Variants in SCD observed in about 807,000 individuals in gnomAD.
SCD encodes the protein stearoyl-CoA desaturase, also known as acyl-CoA desaturase.
A neutral mutation model predicts 35.7 loss-of-function variants in SCD; 4 were observed. The ratio of observed to expected loss-of-function variants is 0.11; its 90% CI spans 0.06 to 0.26. SCD has a LOEUF of 0.26. Among genes scored for constraint, SCD ranks in the 10% least tolerant of loss-of-function variants. The probability of loss-of-function intolerance (pLI) is 1.00; values close to 1 mark genes in which losing one functional copy is unlikely to be tolerated. For synonymous variants in SCD, 150 were observed against 170.2 expected, an observed-to-expected ratio of 0.88 and a Z score of 0.92; for missense variants, 282 against 460.7, an observed-to-expected ratio of 0.61 and a Z score of 3.55.
chr10:100,358,598 CAAAAA>C (rs547927999), intron 5 of SCD, among the ~76,000 whole-genome samples: 2 of 78,594 alleles, frequency 2.5e-5, no homozygotes, highest in South Asian at 4.9e-4. Flanking sequence ...GACTCCGTCT[CAAAAA>C]AAAAAAAAAA....
chr10:100,358,531 G>T lies in SCD; in HGVS notation c.880+1767G>T, dbSNP rs541780455. On this transcript the variant is annotated intron_variant, in intron 5 of 5. Coordinates refer to ENST00000370355, the MANE Select transcript of SCD (RefSeq NM_005063.5). ...GGCGTGAACCCGGGAAGCGGAGCTT[G>T]CAGTGAGCCGAGATTCCGCCACTGC... is the stretch of plus-strand genomic sequence containing the variant. 1.8e-4 allele frequency among the ~76,000 whole-genome samples: 27 copies of T among 148,116 alleles called. No homozygotes were observed. In the South Asian group the frequency reaches 5.7e-3, roughly 31 times the overall value.
intron 4 of SCD, among the ~76,000 whole-genome samples, chr10:100,354,946 G>T (rs908683837): frequency 6.6e-6 from 1 of 152,166 alleles, no homozygotes. Context: ...TTTTGTGTTT[G>T]TGTTTCAACA....
chr10:100,358,598 CAAAAAA>C (rs547927999), intron 5 of SCD, among the ~76,000 whole-genome samples: 9 of 78,596 alleles, frequency 1.1e-4, no homozygotes, highest in African/African-American at 4.9e-4. Context: ...GACTCCGTCT[CAAAAAA>C]AAAAAAAAAA....
chr10:100,357,149 A>G (rs1849936707), intron 5 of SCD, among the ~76,000 whole-genome samples: 1 of 152,204 alleles, frequency 6.6e-6, no homozygotes, highest in African/African-American at 2.4e-5. Context: ...CCCTGTTTCT[A>G]TTAAAAAGCA....
chr10:100,354,678 G>A, intron 4 of SCD, 46 bp downstream of exon 4: 2 of 1,454,382 alleles, frequency 1.4e-6, no homozygotes, highest in South Asian at 2.3e-5. Flanking sequence ...CTGGCACCTG[G>A]TCATTAGGGA....
rs1849992416 is a variant in SCD, at chr10:100,361,764, T to C, written c.*831T>C. On this transcript the variant is annotated 3_prime_UTR_variant, in exon 6 of 6. Transcript: ENST00000370355. ...GGTTTTCTTTTCTTTTTTTCTTTAA[T>C]AACAAGGAGATTTCTTAGTTCATAT... 6.6e-6 allele frequency: 1 copy of C among 152,256 alleles called. No homozygotes were observed. Among genetic ancestry groups the C allele is most frequent in the Non-Finnish European group, 1.5e-5 (1 of 68,048 alleles). 9.4% of individuals were successfully genotyped at this position (152,256 alleles called of 1,614,324 possible).
In SCD at chr10:100,364,145, T is replaced by G. The variant is rs1371349544; in HGVS notation, c.*3212T>G. On this transcript the variant is annotated 3_prime_UTR_variant, in exon 6 of 6. Transcript: ENST00000370355. ...TTTTTTTTTTTTTTGGGTTAAAAGA[T>G]GGTTGTAGCATTTAAAATGGAAAAT... is the stretch of plus-strand genomic sequence containing the variant. 11 of 150,472 alleles carry G rather than the reference T, an allele frequency of 7.3e-5. No homozygotes were observed. The Admixed American group carries it at 7.3e-4, about 10-fold the overall frequency. The allele number at this position is 150,472 out of a possible 1,614,324, so 9.3% of individuals were successfully genotyped here.
At position 100,348,183 on chromosome 10, in the gene SCD, T is replaced by A. The variant is rs751000793; in HGVS notation, c.147T>A (p.Asp49Glu). The change falls in exon 2 of 6, where the codon GAT (aspartate) becomes GAA (glutamate). Residue 49 changes from aspartate (D) to glutamate (E), a missense_variant. Physicochemically the swap from Asp to Glu is conservative, Grantham distance 45. This residue lies in a region of SCD where 77 missense variants were observed against 88.4 expected (regional missense o/e 0.87). Coordinates refer to ENST00000370355, the MANE Select transcript of SCD (RefSeq NM_005063.5). ...PLYLEDDIRP[D>E]IKDDIYDPTY... Reference sequence around the variant, plus strand: ...ACTTGGAAGACGACATTCGCCCTGATATAAAAGATGATATATATGACCCCA... The same window carrying A: ...ACTTGGAAGACGACATTCGCCCTGAAATAAAAGATGATATATATGACCCCA... The A allele has an allele frequency of 7.4e-6, 12 of 1,614,008 alleles. No homozygotes were observed. Among genetic ancestry groups the A allele is most frequent in the Non-Finnish European group, 1.0e-5 (12 of 1,179,986 alleles).
In SCD at chr10:100,356,850, GT is replaced by G. The variant is rs1467450864; in HGVS notation, c.880+92del. ...GGAGCCAGAAAAACTAGATAAATCTGTTTTTTATGGCTACTTTGTATCTCAG... is the reference window on the plus strand; with the variant it reads ...GGAGCCAGAAAAACTAGATAAATCTGTTTTTATGGCTACTTTGTATCTCAG... On this transcript the variant is annotated intron_variant, in intron 5 of 5. Coordinates refer to ENST00000370355, the MANE Select transcript of SCD (RefSeq NM_005063.5). This position sits in a 1 kb window ranked among gnomAD's most constrained non-coding sequence, Gnocchi z 4.1. 9.6e-7 allele frequency: 1 copy of G among 1,040,358 alleles called. No individual in the cohort carries two copies. Among genetic ancestry groups the G allele is most frequent in the Non-Finnish European group, 1.4e-6 (1 of 691,698 alleles). The allele number at this position is 1,040,358 out of a possible 1,614,324, so 64.4% of individuals were successfully genotyped here.
chr10:100,355,695 A>G lies in SCD; in HGVS notation c.648-837A>G, dbSNP rs190725813. 6.5e-4 allele frequency among the ~76,000 whole-genome samples: 99 copies of G among 152,308 alleles called. 1 individual carries two copies. Among genetic ancestry groups the G allele is most frequent in the African/African-American group, 2.2e-3 (92 of 41,564 alleles). ...GCGAAGCAGTGGCAGAAATGGAGAA[A>G]AGAGTTGGGTGCAGGGAATGTCAGT... On this transcript the variant is annotated intron_variant, in intron 4 of 5. Transcript: ENST00000370355.
rs978084316 is a variant in SCD at position 100,356,381 on chromosome 10, A to C, written c.648-151A>C. 2 of 683,596 alleles carry C rather than the reference A, an allele frequency of 2.9e-6. No homozygotes were observed. Among genetic ancestry groups the C allele is most frequent in the African/African-American group, 3.6e-5 (2 of 55,616 alleles). The allele number at this position is 683,596 out of a possible 1,614,324, so 42.3% of individuals were successfully genotyped here. A position where few individuals can be genotyped will look rare whatever the true frequency, so the allele number is the denominator to read the frequency against. On this transcript the variant is annotated intron_variant, in intron 4 of 5. Coordinates refer to ENST00000370355, the MANE Select transcript of SCD (RefSeq NM_005063.5). The surrounding 1 kb of genome is among the most constrained non-coding windows in gnomAD (Gnocchi z 4.1). ...ACAGAGTGAGACCCTGTCAAAAAAA[A>C]CAAACAAAAATAAATAAAACAATGA... is the stretch of plus-strand genomic sequence containing the variant.
At position 100,347,308 on chromosome 10, in the gene SCD, G is replaced by T. The variant is rs367723440; in HGVS notation, c.-197G>T. 3 of 657,048 alleles carry T rather than the reference G, an allele frequency of 4.6e-6. No individual in the cohort carries two copies. The highest frequency in any genetic ancestry group is 4.7e-5 in the Admixed American group (2 of 42,966). 40.7% of individuals were successfully genotyped at this position (657,048 alleles called of 1,614,324 possible). A position where few individuals can be genotyped will look rare whatever the true frequency, so the allele number is the denominator to read the frequency against. On this transcript the variant is annotated 5_prime_UTR_variant, in exon 1 of 6. Coordinates refer to ENST00000370355, the MANE Select transcript of SCD (RefSeq NM_005063.5). ...GAGGAAATACCGGACACGGTCACCCGTTGCCAGCTCTAGCCTTTAAATTCC... is the reference window on the plus strand; with the variant it reads ...GAGGAAATACCGGACACGGTCACCCTTTGCCAGCTCTAGCCTTTAAATTCC...
Position 100,352,276 on chromosome 10 carries a change from A to G in SCD, c.311-90A>G. 1 of 1,355,774 alleles carries G rather than the reference A, an allele frequency of 7.4e-7. No homozygotes were observed. The highest frequency in any genetic ancestry group is 1.0e-6 in the Non-Finnish European group (1 of 976,414). The allele number at this position is 1,355,774 out of a possible 1,614,324, so 84.0% of individuals were successfully genotyped here. On this transcript the variant is annotated intron_variant, in intron 2 of 5. Coordinates refer to ENST00000370355, the MANE Select transcript of SCD (RefSeq NM_005063.5). The surrounding 1 kb of genome is among the most constrained non-coding windows in gnomAD (Gnocchi z 4.2). ...TTCTCACCCAAAGCCTGACGAAGAC[A>G]GTTTCTAGCATCCAGAGAGTGTCTC...
intron 2 of SCD, among the ~76,000 whole-genome samples, chr10:100,349,764 G>A (rs376785496): frequency 6.6e-6 from 1 of 152,148 alleles, no homozygotes; most frequent in Non-Finnish European, 1.5e-5. Flanking sequence ...AAGAGCTCTT[G>A]TATTTGTGAG....
intron 5 of SCD, among the ~76,000 whole-genome samples, chr10:100,359,220 C>T (rs1849963955): frequency 6.6e-6 from 1 of 152,116 alleles, no homozygotes; most frequent in Admixed American, 6.5e-5. Flanking sequence ...TCCTCCTTGC[C>T]TGCTGCTTTC....
chr10:100,359,600 T>A (rs181961389), intron 5 of SCD, among the ~76,000 whole-genome samples: 1 of 152,318 alleles, frequency 6.6e-6, no homozygotes. Flanking sequence ...CAGTTCACAC[T>A]GCAGATCATC....
intron 4 of SCD, 88 bp downstream of exon 4, chr10:100,354,720 T>C (rs1849910262): frequency 9.5e-7 from 1 of 1,048,522 alleles, no homozygotes; most frequent in Non-Finnish European, 1.4e-6. Context: ...TTTCAAAATA[T>C]AAGCTGAGAA....
intron 2 of SCD, among the ~76,000 whole-genome samples, chr10:100,350,986 G>C (rs535421836): frequency 2.6e-5 from 4 of 152,278 alleles, no homozygotes; most frequent in Admixed American, 2.6e-4. Flanking sequence ...GGTAGGGTTG[G>C]GGGGAAAAGG....
chr10:100,348,930 A>G (rs1265424926), intron 2 of SCD, among the ~76,000 whole-genome samples: 1 of 152,220 alleles, frequency 6.6e-6, no homozygotes, highest in East Asian at 1.9e-4. Flanking sequence ...GTGCAACCCA[A>G]GTCACACAGG....
Sources: gnomAD v4.1 joint callset for allele counts (sites outside exome capture counted in the v4.1 genomes callset) on GRCh38, gnomAD v4.1.1 for gene constraint, gnomAD v4.1.1 regional missense constraint, Gnocchi (gnomAD v3.1) non-coding constraint, MANE v1.5 for transcripts, NCBI Gene and HGNC (gene_info 2026-07-23, HGNC 2026-07-21) for gene names.